RAB11FIP4: variants seen among roughly 807,000 people sequenced by gnomAD.
RAB11FIP4 encodes the protein RAB11 family interacting protein 4.
Under a neutral mutation model 74.3 loss-of-function variants are expected in RAB11FIP4, and 23 were observed. The ratio of observed to expected loss-of-function variants is 0.31; its 90% confidence interval spans 0.22 to 0.44. The LOEUF (loss-of-function observed/expected upper bound fraction) is 0.44, where lower values mean the gene tolerates loss of function less well. Ranked by LOEUF, RAB11FIP4 falls within the 20% of genes least tolerant of loss-of-function variation. The pLI is 1.00. For synonymous variants in RAB11FIP4, 360 were observed against 359.9 expected (o/e 1.00, Z 0.00); for missense variants, 630 against 863.9 (o/e 0.73, Z 3.39).
intron 3 of RAB11FIP4, among the ~76,000 whole-genome samples, chr17:31,497,138 C>T (rs1481508466): frequency 2.0e-5 from 3 of 152,108 alleles, no homozygotes; most frequent in Non-Finnish European, 2.9e-5. Context: ...CCAACGCGGG[C>T]GGATCACCTG....
At chr17:31,432,052 G>A (rs2071315248) in intron 2 of RAB11FIP4, 152 bp downstream of exon 2, 2 of 620,758 alleles carry the variant, frequency 3.2e-6, no homozygotes, top group African/African-American at 1.9e-5. Context: ...GGCTTCCGGG[G>A]GGGCCAGAGG....
At chr17:31,448,386 C>A (rs1429235564) in intron 3 of RAB11FIP4, 1 of 61,382 alleles carries the variant, frequency 1.6e-5, no homozygotes, top group Non-Finnish European at 3.1e-5. Context: ...CCACCACATC[C>A]AGCTAATTTT....
chr17:31,440,860 T>G (rs1027080175), intron 3 of RAB11FIP4, among the ~76,000 whole-genome samples: 9 of 152,220 alleles, frequency 5.9e-5, no homozygotes, highest in African/African-American at 2.2e-4. Flanking sequence ...CAAGCTCTAT[T>G]GCAAATCCTG....
chr17:31,480,168 CA>C (rs2071832127), intron 3 of RAB11FIP4, among the ~76,000 whole-genome samples: 1 of 152,140 alleles, frequency 6.6e-6, no homozygotes, highest in Admixed American at 6.5e-5. Flanking sequence ...CACTGCTCCA[CA>C]CGGCCTCTCA....
At chr17:31,461,780 C>T (rs557078410) in intron 3 of RAB11FIP4, among the ~76,000 whole-genome samples, 38 of 151,928 alleles carry the variant, frequency 2.5e-4, no homozygotes, top group African/African-American at 7.2e-4. Context: ...TGCAGTGGCA[C>T]GATCTCGACT....
intron 3 of RAB11FIP4, among the ~76,000 whole-genome samples, chr17:31,501,037 A>T (rs1051342907): frequency 6.6e-6 from 1 of 151,676 alleles, no homozygotes; most frequent in African/African-American, 2.4e-5. Context: ...AAAAAAAAAG[A>T]AAATGGAAAT....
At chr17:31,413,637 C>G (rs2071120522) in intron 1 of RAB11FIP4, among the ~76,000 whole-genome samples, 1 of 152,050 alleles carries the variant, frequency 6.6e-6, no homozygotes, top group African/African-American at 2.4e-5. Flanking sequence ...CCTGCTGTGT[C>G]AGTTCTTCCA....
chr17:31,400,540 C>G (rs567828926), intron 1 of RAB11FIP4, among the ~76,000 whole-genome samples: 1 of 152,158 alleles, frequency 6.6e-6, no homozygotes, highest in Non-Finnish European at 1.5e-5. Context: ...TGTGGCTCCT[C>G]GGAGAGGCAG....
In RAB11FIP4 at chr17:31,512,234, G is replaced by A. The variant is rs1042661379; in HGVS notation, c.337-5417G>A. Among the ~76,000 whole-genome samples, 32 of 152,290 alleles carry A rather than the reference G, an allele frequency of 2.1e-4. No homozygotes were observed. The highest frequency in any genetic ancestry group is 3.9e-4 in the East Asian group (2 of 5,182). On this transcript the variant is annotated intron_variant, in intron 3 of 14. Coordinates refer to ENST00000621161, the MANE Select transcript of RAB11FIP4 (RefSeq NM_032932.6). This position sits in a 1 kb window ranked among gnomAD's most constrained non-coding sequence, Gnocchi z 4.1. ...CAGGTCAGAATTTACGGCTCCTACC[G>A]TGACCGACTCTCCGGTGTAAATTGT...
At chr17:31,485,593 T>G (rs142418105) in intron 3 of RAB11FIP4, among the ~76,000 whole-genome samples, 4 of 152,194 alleles carry the variant, frequency 2.6e-5, no homozygotes, top group Non-Finnish European at 5.9e-5. Flanking sequence ...GAAACCAAGA[T>G]AGAACCCCTG....
At chr17:31,472,448 C>T (rs185382272) in intron 3 of RAB11FIP4, among the ~76,000 whole-genome samples, 54 of 152,328 alleles carry the variant, frequency 3.5e-4, no homozygotes, top group Admixed American at 2.7e-3. Flanking sequence ...CGGCCACAGG[C>T]GGCCCCAGCG....
intron 1 of RAB11FIP4, among the ~76,000 whole-genome samples, chr17:31,428,578 C>T (rs956511626): frequency 1.3e-5 from 2 of 151,916 alleles, no homozygotes; most frequent in African/African-American, 4.8e-5. Flanking sequence ...GGAGTGTGAG[C>T]GTGTACACAT....
intron 3 of RAB11FIP4, among the ~76,000 whole-genome samples, chr17:31,476,452 T>G (rs532182810): frequency 2.7e-4 from 41 of 152,278 alleles, no homozygotes; most frequent in Middle Eastern, 3.4e-3. Context: ...CCCAAAGTGC[T>G]GGGATTATAG....
chr17:31,393,697 G>A (rs950745220), intron 1 of RAB11FIP4, among the ~76,000 whole-genome samples: 1 of 152,014 alleles, frequency 6.6e-6, no homozygotes, highest in Non-Finnish European at 1.5e-5. Flanking sequence ...TAGCACTCCT[G>A]CCCCTTCTCT....
chr17:31,485,854 A>T (rs1006429140), intron 3 of RAB11FIP4, among the ~76,000 whole-genome samples: 1 of 152,250 alleles, frequency 6.6e-6, no homozygotes, highest in African/African-American at 2.4e-5. Context: ...ACATCTGGGA[A>T]ATAAGACTCA....
chr17:31,426,938 G>A (rs1207038369), intron 1 of RAB11FIP4, among the ~76,000 whole-genome samples: 1 of 151,758 alleles, frequency 6.6e-6, no homozygotes. Context: ...GGACATCAGT[G>A]TGCCTGGCCA....
At chr17:31,467,983 C>A (rs1364209411) in intron 3 of RAB11FIP4, among the ~76,000 whole-genome samples, 1 of 152,168 alleles carries the variant, frequency 6.6e-6, no homozygotes, top group East Asian at 1.9e-4. Context: ...CCCTGCAGCC[C>A]CAGTGAAGGA....
intron 2 of RAB11FIP4, 109 bp downstream of exon 2, chr17:31,432,009 G>T: frequency 1.2e-6 from 1 of 816,438 alleles, no homozygotes; most frequent in Non-Finnish European, 2.0e-6. Context: ...GGGTCCCAGA[G>T]CCCAGGATGG....
rs953721618 is a variant in RAB11FIP4, at chr17:31,535,768, C to T, written c.*4036C>T. ...GGCATGTGTTGGGATATACTGGCTA[C>T]AGGCTCATCTCAAAGAGCAGGTAGA... On this transcript the variant is annotated 3_prime_UTR_variant, in exon 15 of 15. Transcript: ENST00000621161. The T allele has an allele frequency of 6.6e-6, 1 of 152,382 alleles. No individual in the cohort carries two copies. Among genetic ancestry groups the T allele is most frequent in the East Asian group, 1.9e-4 (1 of 5,186 alleles). 9.4% of individuals were successfully genotyped at this position (152,382 alleles called of 1,614,324 possible).
Sources: gnomAD v4.1 joint callset for allele counts (sites outside exome capture counted in the v4.1 genomes callset) on GRCh38, gnomAD v4.1.1 for gene constraint, Gnocchi (gnomAD v3.1) non-coding constraint, MANE v1.5 for transcripts, NCBI Gene and HGNC (gene_info 2026-07-23, HGNC 2026-07-21) for gene names.